Variants in P4HB observed in about 807,000 individuals in gnomAD.
P4HB encodes the protein prolyl 4-hydroxylase subunit beta.
In P4HB, 20 loss-of-function variants were observed where a neutral mutation model predicts 52.6. The observed-to-expected ratio is 0.38, with a 90% confidence interval of 0.27 to 0.55. P4HB has a LOEUF of 0.55. Ranked by LOEUF, P4HB falls within the 20% of genes least tolerant of loss-of-function variation. The pLI is 0.74. For synonymous variants in P4HB, 296 were observed against 277.9 expected (o/e 1.07, Z -0.65); for missense variants, 601 against 669.2 (o/e 0.90, Z 1.12).
At position 81,855,658 on chromosome 17, in the gene P4HB, C is replaced by G. The variant is rs1056079327; in HGVS notation, c.353-72G>C. 6.5e-6 allele frequency: 10 copies of G among 1,531,332 alleles called. No individual in the cohort carries two copies. Among genetic ancestry groups the G allele is most frequent in the Admixed American group, 3.6e-5 (2 of 55,086 alleles). The allele number at this position is 1,531,332 out of a possible 1,614,324, so 94.9% of individuals were successfully genotyped here. On this transcript the variant is annotated intron_variant, in intron 2 of 10. Transcript: ENST00000331483. The surrounding 1 kb of genome is among the most constrained non-coding windows in gnomAD (Gnocchi z 4.3). ...CCTGCCCTGCCGCGCCTGCTCCCGTCTCTGCTCTCTGCCAGCCAGGCTGAG... is the reference window on the plus strand; with the variant it reads ...CCTGCCCTGCCGCGCCTGCTCCCGTGTCTGCTCTCTGCCAGCCAGGCTGAG...
intron 4 of P4HB, among the ~76,000 whole-genome samples, chr17:81,854,465 C>G (rs1296468127): frequency 6.6e-6 from 1 of 151,392 alleles, no homozygotes; most frequent in Non-Finnish European, 1.5e-5. Flanking sequence ...TCACTTGAGC[C>G]TGGGAAGCAG....
Position 81,846,278 on chromosome 17 carries a change from C to T in P4HB, c.1056+151G>A. On this transcript the variant is annotated intron_variant, in intron 7 of 10. Transcript: ENST00000331483. The surrounding 1 kb of genome is among the most constrained non-coding windows in gnomAD (Gnocchi z 5.7). ...CTCCTACAGGTCCCCAAAGGTGTGACAAGAATGGTGGTCTTCACACCATCT... is the reference window on the plus strand; with the variant it reads ...CTCCTACAGGTCCCCAAAGGTGTGATAAGAATGGTGGTCTTCACACCATCT... The T allele has an allele frequency of 1.3e-6, 1 of 770,030 alleles. No individual in the cohort carries two copies. The highest frequency in any genetic ancestry group is 2.1e-6 in the Non-Finnish European group (1 of 473,558). 47.7% of individuals were successfully genotyped at this position (770,030 alleles called of 1,614,324 possible).
chr17:81,851,315 A>G (rs1598267337), intron 4 of P4HB, among the ~76,000 whole-genome samples: 2 of 152,330 alleles, frequency 1.3e-5, no homozygotes, highest in African/African-American at 2.4e-5. Context: ...CTGCAGAGTA[A>G]CTTAGAGACC....
At chr17:81,851,761 A>G (rs781177265) in intron 4 of P4HB, among the ~76,000 whole-genome samples, 6 of 152,226 alleles carry the variant, frequency 3.9e-5, no homozygotes, top group African/African-American at 7.2e-5. Context: ...CAGGGCTGCC[A>G]TCGTTTCAGC....
At chr17:81,852,521 G>A (rs567154335) in intron 4 of P4HB, among the ~76,000 whole-genome samples, 94 of 152,368 alleles carry the variant, frequency 6.2e-4, no homozygotes, top group South Asian at 5.4e-3. Flanking sequence ...CACGTGCACC[G>A]GACAGGGGGC....
Position 81,848,520 on chromosome 17 carries a change from G to A in P4HB, c.625-1173C>T, listed in dbSNP as rs550670609. ...GGAGGCCAAGATGGGTGGATCGCTTGAGACCAGGAGTTCGAGACCAGCCTG... is the reference window on the plus strand; with the variant it reads ...GGAGGCCAAGATGGGTGGATCGCTTAAGACCAGGAGTTCGAGACCAGCCTG... On this transcript the variant is annotated intron_variant, in intron 4 of 10. Coordinates refer to ENST00000331483, the MANE Select transcript of P4HB (RefSeq NM_000918.4). 2.0e-5 allele frequency among the ~76,000 whole-genome samples: 3 copies of A among 152,254 alleles called. No homozygotes were observed. In the South Asian group the frequency reaches 6.2e-4, roughly 32 times the overall value.
chr17:81,847,535 G>A (rs1485226376), intron 4 of P4HB, 188 bp from the exon 5 acceptor site: 11 of 604,554 alleles, frequency 1.8e-5, no homozygotes, highest in East Asian at 1.4e-4. Flanking sequence ...CTCTGGTCAC[G>A]GCCTTATGGC....
At chr17:81,845,380 A>T in intron 9 of P4HB, 150 bp from the exon 10 acceptor site, 1 of 846,642 alleles carries the variant, frequency 1.2e-6, no homozygotes, top group Non-Finnish European at 1.9e-6. Context: ...AAAACAGCCT[A>T]GGCAATATAG....
Position 81,847,600 on chromosome 17 carries a change from G to A in P4HB, c.625-253C>T. The stretch of plus-strand genomic sequence containing the variant: ...TCCACAATGCAAGCCTGGCGCACGT[G>A]GTCCTCCAGCAACCTTGAAGTGTGG... On this transcript the variant is annotated intron_variant, in intron 4 of 10. Transcript: ENST00000331483. 2.0e-5 allele frequency: 11 copies of A among 539,724 alleles called. No individual in the cohort carries two copies. The South Asian group carries it at 2.3e-4, about 11-fold the overall frequency. 33.4% of individuals were successfully genotyped at this position (539,724 alleles called of 1,614,324 possible).
intron 4 of P4HB, 85 bp from the exon 5 acceptor site, chr17:81,847,432 A>ACAGCAGC: frequency 8.6e-7 from 1 of 1,163,422 alleles, no homozygotes; most frequent in Non-Finnish European, 1.3e-6. Context: ...GTGGGAAGTC[A>ACAGCAGC]CAGCAGCCAG....
At chr17:81,859,139 T>C (rs1245099590) in intron 2 of P4HB, 42 bp downstream of exon 2, 4 of 1,583,142 alleles carry the variant, frequency 2.5e-6, no homozygotes, top group African/African-American at 1.3e-5. Flanking sequence ...GGCAGGCCAG[T>C]CCCTCTCTAA....
intron 10 of P4HB, among the ~76,000 whole-genome samples, chr17:81,844,486 G>A (rs936347195): frequency 5.3e-5 from 8 of 152,190 alleles, no homozygotes; most frequent in African/African-American, 1.7e-4. Flanking sequence ...CCACTGGGGT[G>A]TGACCATTCT....
At chr17:81,852,191 T>C (rs1329968652) in intron 4 of P4HB, among the ~76,000 whole-genome samples, 1 of 151,892 alleles carries the variant, frequency 6.6e-6, no homozygotes, top group African/African-American at 2.4e-5. Context: ...CAAACAACAA[T>C]AACAGGCCCA....
At chr17:81,844,234 G>A (rs570349440) in intron 10 of P4HB, 142 bp from the exon 11 acceptor site, 126 of 734,776 alleles carry the variant, frequency 1.7e-4, no homozygotes, top group Admixed American at 6.4e-4. Context: ...AGCCAACCCT[G>A]GTCTTTACGA....
rs1056079327 is a variant in P4HB at position 81,855,658 on chromosome 17, C to T, written c.353-72G>A. The stretch of plus-strand genomic sequence containing the variant: ...CCTGCCCTGCCGCGCCTGCTCCCGT[C>T]TCTGCTCTCTGCCAGCCAGGCTGAG... On this transcript the variant is annotated intron_variant, in intron 2 of 10. Transcript: ENST00000331483. The surrounding 1 kb of genome is among the most constrained non-coding windows in gnomAD (Gnocchi z 4.3). 3 of 1,531,332 alleles carry T rather than the reference C, an allele frequency of 2.0e-6. No homozygotes were observed. Among genetic ancestry groups the T allele is most frequent in the Non-Finnish European group, 1.8e-6 (2 of 1,129,226 alleles). The allele number at this position is 1,531,332 out of a possible 1,614,324, so 94.9% of individuals were successfully genotyped here.
At position 81,847,284 on chromosome 17, in the gene P4HB, T is replaced by C; in HGVS notation, c.688A>G (p.Lys230Glu). 1 of 1,614,142 alleles carries C rather than the reference T, an allele frequency of 6.2e-7. No homozygotes were observed. The highest frequency in any genetic ancestry group is 8.5e-7 in the Non-Finnish European group (1 of 1,180,016). ...ATGACAAGGGGCAGCTGGTTGTGTTTGATAAAGTCCAGCAGGTTCTCCTTG... is the reference window on the plus strand; with the variant it reads ...ATGACAAGGGGCAGCTGGTTGTGTTCGATAAAGTCCAGCAGGTTCTCCTTG... ...VTKENLLDFI[K>E]HNQLPLVIEF... Residue 230 changes from lysine (K) to glutamate (E), a missense_variant, in exon 5 of 11, where the codon AAA (lysine) becomes GAA (glutamate). Transcript: ENST00000331483.
intron 4 of P4HB, among the ~76,000 whole-genome samples, chr17:81,852,258 G>A (rs1010988975): frequency 2.0e-5 from 3 of 152,216 alleles, no homozygotes; most frequent in Non-Finnish European, 4.4e-5. Flanking sequence ...CACACCCATG[G>A]TGCCAGTGAC....
Position 81,855,069 on chromosome 17 carries a change from TAAG to T in P4HB, c.624+70_624+72del, listed in dbSNP as rs1157628979. On this transcript the variant is annotated intron_variant, in intron 4 of 10. Transcript: ENST00000331483. The surrounding 1 kb of genome is among the most constrained non-coding windows in gnomAD (Gnocchi z 4.3). ...GCCAGGAGCAAGGTTCCCTTAACGA[TAAG>T]GAGAGCAACGCCACCCTCTGCAGAC... 1.4e-6 allele frequency: 2 copies of T among 1,467,248 alleles called. No individual in the cohort carries two copies. The highest frequency in any genetic ancestry group is 2.8e-5 in the African/African-American group (2 of 71,984). The allele number at this position is 1,467,248 out of a possible 1,614,324, so 90.9% of individuals were successfully genotyped here.
chr17:81,846,882 C>A lies in P4HB; in HGVS notation c.855+65G>T. 1 of 1,596,784 alleles carries A rather than the reference C, an allele frequency of 6.3e-7. No individual in the cohort carries two copies. Among genetic ancestry groups the A allele is most frequent in the South Asian group, 1.1e-5 (1 of 90,030 alleles). On this transcript the variant is annotated intron_variant, in intron 6 of 10. Coordinates refer to ENST00000331483, the MANE Select transcript of P4HB (RefSeq NM_000918.4). This position sits in a 1 kb window ranked among gnomAD's most constrained non-coding sequence, Gnocchi z 5.7. ...AGCCTCAGGAAGGCCCCACACTTGT[C>A]ACCTCGGGAAGAGTTGTACTGCTCC...
Sources: allele counts gnomAD v4.1 joint callset (sites outside exome capture counted in the v4.1 genomes callset), GRCh38; gene constraint gnomAD v4.1.1; non-coding constraint Gnocchi (gnomAD v3.1); transcripts MANE v1.5; gene names NCBI Gene and HGNC (gene_info 2026-07-23, HGNC 2026-07-21).